Variants in ZFYVE9 observed in about 807,000 individuals in gnomAD.
The protein encoded by ZFYVE9 is zinc finger FYVE domain-containing protein 9.
A neutral mutation model predicts 126.7 loss-of-function variants in ZFYVE9; 43 were observed. The observed-to-expected ratio is 0.34, with a 90% confidence interval of 0.27 to 0.44. The LOEUF is 0.44. ZFYVE9 is among the 20% of genes least tolerant of loss of function. The pLI is 1.00. For missense variants in ZFYVE9, 1,476 were observed against 1,697.0 expected, an observed-to-expected ratio of 0.87 and a Z score of 2.29; for synonymous variants, 521 against 597.4, an observed-to-expected ratio of 0.87 and a Z score of 1.87.
At chr1:52,264,375 A>G (rs72895918) in intron 5 of ZFYVE9, among the ~76,000 whole-genome samples, 7,176 of 152,230 alleles carry the variant, frequency 0.047, 566 homozygotes, top group African/African-American at 0.16. Flanking sequence ...TTTAAAGCCC[A>G]TTTATCTCTT....
chr1:52,267,361 A>G (rs1645644718), intron 6 of ZFYVE9, among the ~76,000 whole-genome samples: 1 of 152,182 alleles, frequency 6.6e-6, no homozygotes. Flanking sequence ...ATTATATCAT[A>G]TGATAGGTAG....
intron 1 of ZFYVE9, among the ~76,000 whole-genome samples, chr1:52,181,924 C>T (rs1018450920): frequency 1.4e-4 from 21 of 151,824 alleles, no homozygotes; most frequent in African/African-American, 4.8e-4. Flanking sequence ...CGTCTCCGCC[C>T]GGCAGCCACC....
chr1:52,342,490 T>A (rs1646446833), intron 17 of ZFYVE9, among the ~76,000 whole-genome samples: 1 of 151,026 alleles, frequency 6.6e-6, no homozygotes, highest in Non-Finnish European at 1.5e-5. Context: ...CAGGATGGTC[T>A]CGATCTCCTG....
intron 1 of ZFYVE9, among the ~76,000 whole-genome samples, chr1:52,191,230 A>G (rs567532136): frequency 1.3e-5 from 2 of 152,174 alleles, no homozygotes; most frequent in Non-Finnish European, 2.9e-5. Context: ...GTGAGCCACC[A>G]TGCCCGGTCA....
chr1:52,339,491 A>G (rs1050107136), intron 16 of ZFYVE9, among the ~76,000 whole-genome samples: 3 of 152,050 alleles, frequency 2.0e-5, no homozygotes, highest in African/African-American at 2.4e-5. Context: ...GGGTTTTGCT[A>G]TGTTGCTGAT....
At chr1:52,259,453 A>G (rs1335114554) in intron 4 of ZFYVE9, among the ~76,000 whole-genome samples, 1 of 152,114 alleles carries the variant, frequency 6.6e-6, no homozygotes, top group Non-Finnish European at 1.5e-5. Context: ...TAAAATAAAA[A>G]TATCCCAATA....
Position 52,291,875 on chromosome 1 carries a change from G to A in ZFYVE9, c.3026-1578G>A, listed in dbSNP as rs1447963327. On this transcript the variant is annotated intron_variant, in intron 10 of 18. Transcript: ENST00000287727. ...GGTTCCAGGGTGGGTAACAGAGCGAGACTCTGTCTCAAAAAAAAAAAAAAA... is the reference window on the plus strand; with the variant it reads ...GGTTCCAGGGTGGGTAACAGAGCGAAACTCTGTCTCAAAAAAAAAAAAAAA... 2.1e-4 allele frequency among the ~76,000 whole-genome samples: 24 copies of A among 116,282 alleles called. No individual in the cohort carries two copies. The Admixed American group carries it at 2.3e-3, about 11-fold the overall frequency. The allele number at this position is 116,282 out of a possible 152,430, so 76.3% of individuals were successfully genotyped here. A position where few individuals can be genotyped will look rare whatever the true frequency, so the allele number is the denominator to read the frequency against.
At chr1:52,295,595 T>G (rs1645965814) in intron 11 of ZFYVE9, among the ~76,000 whole-genome samples, 1 of 152,070 alleles carries the variant, frequency 6.6e-6, no homozygotes, top group African/African-American at 2.4e-5. Flanking sequence ...ACTCCTAGGC[T>G]CAGGTGATCC....
intron 1 of ZFYVE9, among the ~76,000 whole-genome samples, chr1:52,169,482 A>G (rs1644544435): frequency 6.6e-6 from 1 of 152,072 alleles, no homozygotes; most frequent in African/African-American, 2.4e-5. Context: ...CATATCATAT[A>G]TTTTACATGT....
At chr1:52,178,935 G>GC (rs1259053631) in intron 1 of ZFYVE9, among the ~76,000 whole-genome samples, 1 of 152,102 alleles carries the variant, frequency 6.6e-6, no homozygotes, top group Non-Finnish European at 1.5e-5. Context: ...CTCCTGAGTA[G>GC]CTGGGACCAC....
chr1:52,180,936 T>C (rs1052345850), intron 1 of ZFYVE9, among the ~76,000 whole-genome samples: 43 of 137,862 alleles, frequency 3.1e-4, no homozygotes, highest in African/African-American at 1.2e-3. Context: ...ATCACCCCAT[T>C]GCATGCCAGC....
At position 52,142,702 on chromosome 1, in the gene ZFYVE9, C is replaced by G. The variant is rs1023554416; in HGVS notation, c.-143+299C>G. On this transcript the variant is annotated intron_variant, in intron 1 of 18. Coordinates refer to ENST00000287727, the MANE Select transcript of ZFYVE9 (RefSeq NM_004799.4). The surrounding 1 kb of genome is among the most constrained non-coding windows in gnomAD (Gnocchi z 4.5). ...GCCGCCTTTCGGGTTTGCATGGGCC[C>G]GGGCCGAGCGCAGCCTCTTAGCCCG... Among the ~76,000 whole-genome samples, 48 of 152,264 alleles carry G rather than the reference C, an allele frequency of 3.2e-4. No homozygotes were observed. The highest frequency in any genetic ancestry group is 2.5e-3 in the East Asian group (13 of 5,138).
intron 9 of ZFYVE9, among the ~76,000 whole-genome samples, chr1:52,279,261 G>A (rs1645778848): frequency 6.6e-6 from 1 of 152,110 alleles, no homozygotes; most frequent in African/African-American, 2.4e-5. Flanking sequence ...AGAATAACTG[G>A]TGGTAGATAA....
In ZFYVE9 at chr1:52,263,753, T is replaced by TTGGGGC; in HGVS notation, c.2179-20_2179-19insTGGGGC. ...ATCCCAAGTAAATTTTGTGTGTTCTTCCCCCCCCCCCCCCCACAGGTTTTC... is the reference window on the plus strand; with the variant it reads ...ATCCCAAGTAAATTTTGTGTGTTCTTTGGGGCCCCCCCCCCCCCCCCACAGGTTTTC... On this transcript the variant is annotated intron_variant, in intron 4 of 18. Coordinates refer to ENST00000287727, the MANE Select transcript of ZFYVE9 (RefSeq NM_004799.4). 2.8e-6 allele frequency: 2 copies of TTGGGGC among 713,090 alleles called. No homozygotes were observed. Among genetic ancestry groups the TTGGGGC allele is most frequent in the Non-Finnish European group, 2.0e-6 (1 of 490,712 alleles). The allele number at this position is 713,090 out of a possible 1,614,324, so 44.2% of individuals were successfully genotyped here.
At chr1:52,281,387 C>A (rs1645803262) in intron 9 of ZFYVE9, among the ~76,000 whole-genome samples, 1 of 152,198 alleles carries the variant, frequency 6.6e-6, no homozygotes, top group Non-Finnish European at 1.5e-5. Flanking sequence ...CCCGCCTCGG[C>A]CTCCCAAAGT....
chr1:52,211,612 G>A (rs900658844), intron 1 of ZFYVE9, among the ~76,000 whole-genome samples: 9 of 152,132 alleles, frequency 5.9e-5, no homozygotes, highest in African/African-American at 9.7e-5. Context: ...GGCTGAGGCC[G>A]GAGGAACACT....
Position 52,278,582 on chromosome 1 carries a change from C to G in ZFYVE9, c.2837C>G (p.Ala946Gly). The change falls in exon 9 of 19, where the codon GCA becomes GGA. Residue 946 changes from alanine to glycine, a missense_variant. By Grantham distance (60) the Ala-to-Gly change is moderately conservative (BLOSUM62 0). Coordinates refer to ENST00000287727, the MANE Select transcript of ZFYVE9 (RefSeq NM_004799.4). ...GACCCACTTGTATTTGTTTTAAATG[C>G]AAATTTGTTGTCAATGGTTAAAATT... The part of the protein sequence containing the change: ...GPDPLVFVLN[A>G]NLLSMVKIVN... 6.3e-7 allele frequency: 1 copy of G among 1,592,852 alleles called. No homozygotes were observed. Among genetic ancestry groups the G allele is most frequent in the East Asian group, 2.2e-5 (1 of 44,750 alleles).
At chr1:52,245,688 G>C (rs916602649) in intron 4 of ZFYVE9, among the ~76,000 whole-genome samples, 7 of 152,134 alleles carry the variant, frequency 4.6e-5, no homozygotes, top group African/African-American at 1.7e-4. Context: ...TGCCTATTCT[G>C]TGCTTTATTT....
intron 13 of ZFYVE9, among the ~76,000 whole-genome samples, chr1:52,324,997 A>G (rs1053921890): frequency 1.3e-5 from 2 of 152,066 alleles, no homozygotes; most frequent in African/African-American, 2.4e-5. Flanking sequence ...TAAAAGAATT[A>G]GGCTGGGCGT....
Sources: gnomAD v4.1 joint callset for allele counts (sites outside exome capture counted in the v4.1 genomes callset) on GRCh38, gnomAD v4.1.1 for gene constraint, Gnocchi (gnomAD v3.1) non-coding constraint, MANE v1.5 for transcripts, NCBI Gene and HGNC (gene_info 2026-07-23, HGNC 2026-07-21) for gene names.